The following NFIB variants were observed in gnomAD, a reference collection of about 807,000 sequenced individuals.
The protein encoded by NFIB is nuclear factor 1 B-type.
Under a neutral mutation model 61.5 loss-of-function variants are expected in NFIB, and 11 were observed. The observed-to-expected ratio is 0.18, with a 90% confidence interval of 0.11 to 0.30. The LOEUF is 0.30. NFIB is among the 10% of genes least tolerant of loss of function. NFIB has a pLI of 1.00. For missense variants in NFIB, 471 were observed against 608.9 expected (o/e 0.77, Z 2.38); for synonymous variants, 260 against 216.5 (o/e 1.20, Z -1.76).
At chr9:14,380,421 T>C in intron 1 of NFIB, among the ~76,000 whole-genome samples, 1 of 152,194 alleles carries the variant, frequency 6.6e-6, no homozygotes. Flanking sequence ...GTGATGTAAA[T>C]AGAAAAATGT....
chr9:14,188,366 T>A (rs2047602669), intron 2 of NFIB, among the ~76,000 whole-genome samples: 1 of 152,096 alleles, frequency 6.6e-6, no homozygotes, highest in Non-Finnish European at 1.5e-5. Context: ...AAAATATACA[T>A]TAAATGCACC....
chr9:14,450,724 G>A, the NFIB span, among the ~76,000 whole-genome samples: 1 of 150,102 alleles, frequency 6.7e-6, no homozygotes, highest in Non-Finnish European at 1.5e-5. Flanking sequence ...ACACTTTCAA[G>A]GTGATTTTCT....
At chr9:14,527,446 T>C in the NFIB span, among the ~76,000 whole-genome samples, 1 of 152,182 alleles carries the variant, frequency 6.6e-6, no homozygotes, top group Non-Finnish European at 1.5e-5. Context: ...ATGTACTAAT[T>C]ACCATGACAC....
At chr9:14,363,300 T>A (rs962358858) in intron 1 of NFIB, among the ~76,000 whole-genome samples, 2 of 152,200 alleles carry the variant, frequency 1.3e-5, no homozygotes, top group African/African-American at 4.8e-5. Flanking sequence ...ACTGTGGCAG[T>A]GGTTCAAAAA....
Position 14,150,161 on chromosome 9 carries a change from A to T in NFIB, c.790T>A (p.Ser264Thr). The change falls in exon 5 of 11, where the codon TCT becomes ACT. Residue 264 changes from serine (S) to threonine (T), a missense_variant. Around this residue, in one of 2 missense-constraint regions of NFIB, gnomAD observed 372 missense variants for 395.6 expected, o/e 0.94. Coordinates refer to ENST00000380953, the MANE Select transcript of NFIB (RefSeq NM_001190737.2). ...TTTCAGTACCTGCTTGGTGGAGAAG[A>T]CAGAGACCTCTGAAGATTGACCCCC... The part of the protein sequence containing the change: ...NSGVNLQRSL[S>T]SPPSSKRPKT... The T allele has an allele frequency of 6.2e-7, 1 of 1,613,422 alleles. No homozygotes were observed. Among genetic ancestry groups the T allele is most frequent in the Non-Finnish European group, 8.5e-7 (1 of 1,179,526 alleles).
chr9:14,388,203 G>A (rs1276636586), intron 1 of NFIB, among the ~76,000 whole-genome samples: 1 of 152,010 alleles, frequency 6.6e-6, no homozygotes, highest in Non-Finnish European at 1.5e-5. Flanking sequence ...AAAGCATAAT[G>A]TTCAGTAAGA....
At chr9:14,118,768 CTT>C (rs35334290) in intron 8 of NFIB, among the ~76,000 whole-genome samples, 44 of 128,978 alleles carry the variant, frequency 3.4e-4, no homozygotes, top group South Asian at 7.3e-4. Flanking sequence ...TTTTCTTTTT[CTT>C]TTTTTTTTTT....
At chr9:14,227,641 A>T (rs1026902502) in intron 2 of NFIB, among the ~76,000 whole-genome samples, 9 of 152,168 alleles carry the variant, frequency 5.9e-5, no homozygotes, top group African/African-American at 2.2e-4. Flanking sequence ...AATGTTGTTG[A>T]TGATAATAAC....
At chr9:14,350,624 C>T (rs2061097195) in intron 1 of NFIB, among the ~76,000 whole-genome samples, 1 of 152,078 alleles carries the variant, frequency 6.6e-6, no homozygotes. Context: ...ACAACAGGGG[C>T]TTTAGGGGGA....
chr9:14,349,903 C>G (rs1431587860), intron 1 of NFIB, among the ~76,000 whole-genome samples: 1 of 152,222 alleles, frequency 6.6e-6, no homozygotes, highest in Non-Finnish European at 1.5e-5. Context: ...GCTCTTAAGT[C>G]ACACCCCCAT....
At chr9:14,224,203 G>A (rs2052063535) in intron 2 of NFIB, among the ~76,000 whole-genome samples, 1 of 152,160 alleles carries the variant, frequency 6.6e-6, no homozygotes, top group Non-Finnish European at 1.5e-5. Context: ...ACAAGTGATA[G>A]GCTACACAGA....
intron 2 of NFIB, among the ~76,000 whole-genome samples, chr9:14,211,834 T>C (rs889847061): frequency 1.3e-5 from 2 of 152,236 alleles, no homozygotes; most frequent in African/African-American, 2.4e-5. Flanking sequence ...ACATGAATAT[T>C]GTACTTTCAA....
At chr9:14,302,018 C>A (rs550300869) in intron 2 of NFIB, among the ~76,000 whole-genome samples, 1 of 152,236 alleles carries the variant, frequency 6.6e-6, no homozygotes, top group Non-Finnish European at 1.5e-5. Context: ...ACATGCATAC[C>A]AAGTATTTCT....
intron 10 of NFIB, among the ~76,000 whole-genome samples, chr9:14,102,260 T>C (rs1241219889): frequency 6.6e-6 from 1 of 152,110 alleles, no homozygotes; most frequent in African/African-American, 2.4e-5. Flanking sequence ...TGACGTTCCA[T>C]TTACATAAGA....
chr9:14,455,861 A>T, the NFIB span, among the ~76,000 whole-genome samples: 2 of 152,174 alleles, frequency 1.3e-5, no homozygotes, highest in African/African-American at 4.8e-5. Context: ...ATATTAAAAC[A>T]TAGAATCTAA....
At chr9:14,254,218 T>C (rs1277196483) in intron 2 of NFIB, among the ~76,000 whole-genome samples, 2 of 152,028 alleles carry the variant, frequency 1.3e-5, no homozygotes, top group Non-Finnish European at 2.9e-5. Flanking sequence ...TAAGAATCGC[T>C]TGAACCTGGG....
At chr9:14,269,081 T>TA (rs2057418197) in intron 2 of NFIB, among the ~76,000 whole-genome samples, 3 of 152,144 alleles carry the variant, frequency 2.0e-5, no homozygotes, top group Middle Eastern at 3.2e-3. Flanking sequence ...TTTTAAACTT[T>TA]TTTTTTTTAC....
the NFIB span, among the ~76,000 whole-genome samples, chr9:14,404,018 T>C: frequency 6.6e-6 from 1 of 152,198 alleles, no homozygotes; most frequent in Non-Finnish European, 1.5e-5. Flanking sequence ...TTCTGAAAGA[T>C]AAAATGGAGA....
intron 1 of NFIB, among the ~76,000 whole-genome samples, chr9:14,381,521 T>G (rs151320159): frequency 2.3e-4 from 35 of 152,344 alleles, no homozygotes; most frequent in Admixed American, 1.1e-3. Flanking sequence ...TAACGATTTT[T>G]TAAATAGTAA....
Sources: allele counts gnomAD v4.1 joint callset (sites outside exome capture counted in the v4.1 genomes callset), GRCh38; gene constraint gnomAD v4.1.1; regional missense constraint gnomAD v4.1.1; transcripts MANE v1.5; gene names NCBI Gene and HGNC (gene_info 2026-07-23, HGNC 2026-07-21).